TBC1D32: variants seen among roughly 807,000 people sequenced by gnomAD.
TBC1D32 encodes TBC1 domain family member 32.
Under a neutral mutation model 170.3 loss-of-function variants are expected in TBC1D32, and 151 were observed. That is an observed-to-expected ratio of 0.89 (90% CI 0.78 to 1.01). TBC1D32 has a LOEUF of 1.01. Among genes scored for constraint, TBC1D32 ranks in the 50% least tolerant of loss-of-function variants. The pLI is 0.00. For synonymous variants in TBC1D32, 498 were observed against 488.0 expected (o/e 1.02, Z -0.27); for missense variants, 1,464 against 1,457.1 (o/e 1.00, Z -0.08).
intron 1 of TBC1D32, among the ~76,000 whole-genome samples, chr6:121,333,561 G>T (rs1554193998): frequency 6.6e-6 from 1 of 152,038 alleles, no homozygotes; most frequent in Non-Finnish European, 1.5e-5. Flanking sequence ...TGAGTAATTC[G>T]TGCGGCCACT....
In TBC1D32 at chr6:121,101,676, A is replaced by T. The variant is rs551495241; in HGVS notation, c.3465+4347T>A. Among the ~76,000 whole-genome samples, 53 of 152,278 alleles carry T rather than the reference A, an allele frequency of 3.5e-4. No homozygotes were observed. In the East Asian group the frequency reaches 9.8e-3, roughly 28 times the overall value. ...GGAAGCATTCCCTTTGAAAACTGGC[A>T]CAAGACAGGGATGCCCTCTCTCACC... On this transcript the variant is annotated intron_variant, in intron 30 of 31. Transcript: ENST00000398212.
chr6:121,244,753 T>C (rs1797399269), intron 17 of TBC1D32, among the ~76,000 whole-genome samples: 1 of 152,224 alleles, frequency 6.6e-6, no homozygotes, highest in African/African-American at 2.4e-5. Flanking sequence ...TAAATTTATA[T>C]GATATGGGTT....
intron 15 of TBC1D32, among the ~76,000 whole-genome samples, chr6:121,265,737 A>T (rs1457443782): frequency 2.6e-5 from 4 of 152,158 alleles, no homozygotes; most frequent in African/African-American, 4.8e-5. Context: ...CATATAGACC[A>T]ATGGAAAAGA....
intron 15 of TBC1D32, among the ~76,000 whole-genome samples, chr6:121,257,685 T>C (rs903385873): frequency 2.6e-5 from 4 of 152,222 alleles, no homozygotes; most frequent in Admixed American, 6.5e-5. Flanking sequence ...AGTGTATTTT[T>C]TGTTTGTTTT....
Position 121,131,782 on chromosome 6 carries a change from T to C in TBC1D32, c.2774-30A>G, listed in dbSNP as rs777090428. On this transcript the variant is annotated intron_variant, in intron 24 of 31. Transcript: ENST00000398212. ...TCAGAAAGATAACATACTATTATAATAAGACATGCTAGATATACTGAAAAA... is the reference window on the plus strand; with the variant it reads ...TCAGAAAGATAACATACTATTATAACAAGACATGCTAGATATACTGAAAAA... 1.3e-6 allele frequency: 2 copies of C among 1,529,156 alleles called. 1 individual carries two copies. Among genetic ancestry groups the C allele is most frequent in the Admixed American group, 3.5e-5 (2 of 57,904 alleles). The allele number at this position is 1,529,156 out of a possible 1,614,324, so 94.7% of individuals were successfully genotyped here. A position where few individuals can be genotyped will look rare whatever the true frequency, so the allele number is the denominator to read the frequency against.
chr6:121,321,205 C>A (rs1809652348), intron 2 of TBC1D32, among the ~76,000 whole-genome samples: 1 of 152,056 alleles, frequency 6.6e-6, no homozygotes, highest in South Asian at 2.1e-4. Context: ...ATCAATTAAC[C>A]TAGACCCCAA....
intron 30 of TBC1D32, among the ~76,000 whole-genome samples, chr6:121,095,365 T>C (rs949886418): frequency 6.6e-6 from 1 of 152,150 alleles, no homozygotes; most frequent in African/African-American, 2.4e-5. Context: ...AAAAACAATC[T>C]TCAAAGGTTC....
At position 121,308,008 on chromosome 6, in the gene TBC1D32, C is replaced by T. The variant is rs567530456; in HGVS notation, c.658G>A (p.Val220Met). ...NWTTLCEKLT[V>M]SLSDPDPVFS... is the part of the protein sequence containing the mutation. ...ACAGGATCAGGATCTGAAAGAGACA[C>T]GGTCAGTTTTTCGCAGAGAGTAGTC... Residue 220 changes from valine to methionine, a missense_variant, in exon 5 of 32, where the codon GTG (valine) becomes ATG (methionine). Val to Met is a conservative substitution (Grantham distance 21). This residue lies in a region of TBC1D32 where 1,363 missense variants were observed against 1,338.1 expected (regional missense o/e 1.02). Coordinates refer to ENST00000398212, the MANE Select transcript of TBC1D32 (RefSeq NM_152730.6). The T allele has an allele frequency of 1.1e-5, 18 of 1,613,606 alleles. No individual in the cohort carries two copies. The highest frequency in any genetic ancestry group is 2.2e-5 in the East Asian group (1 of 44,824).
intron 20 of TBC1D32, among the ~76,000 whole-genome samples, chr6:121,231,531 C>T (rs1010066380): frequency 1.3e-5 from 2 of 152,152 alleles, no homozygotes; most frequent in Non-Finnish European, 2.9e-5. Context: ...AGTTTACATT[C>T]CCACTGACAG....
At chr6:121,171,931 T>A (rs1413733833) in intron 22 of TBC1D32, among the ~76,000 whole-genome samples, 1 of 152,072 alleles carries the variant, frequency 6.6e-6, no homozygotes. Flanking sequence ...ACTGGAAGGT[T>A]ATATATCCAC....
intron 3 of TBC1D32, among the ~76,000 whole-genome samples, chr6:121,313,551 A>G (rs1405385361): frequency 6.6e-6 from 1 of 151,928 alleles, no homozygotes; most frequent in East Asian, 1.9e-4. Context: ...CCCAGGCCTA[A>G]CTCTAGGCAG....
intron 17 of TBC1D32, among the ~76,000 whole-genome samples, chr6:121,244,050 C>T (rs954306009): frequency 1.3e-5 from 2 of 151,906 alleles, no homozygotes; most frequent in Non-Finnish European, 2.9e-5. Flanking sequence ...AGACCAAAAC[C>T]TAGTCTGCAT....
rs560576910 is a variant in TBC1D32 at position 121,201,631 on chromosome 6, C to T, written c.2570+3444G>A. On this transcript the variant is annotated intron_variant, in intron 22 of 31. Transcript: ENST00000398212. ...AAATTCAGCAATTCCTTCAGTCTCACACTGGGGCTTCTTTTTTTTTGTTTT... is the reference window on the plus strand; with the variant it reads ...AAATTCAGCAATTCCTTCAGTCTCATACTGGGGCTTCTTTTTTTTTGTTTT... Among the ~76,000 whole-genome samples the T allele has an allele frequency of 8.4e-4, 127 of 151,456 alleles. 1 individual carries two copies. The highest frequency in any genetic ancestry group is 1.4e-3 in the Non-Finnish European group (97 of 67,958).
intron 22 of TBC1D32, among the ~76,000 whole-genome samples, chr6:121,170,045 TA>T (rs1488179234): frequency 6.6e-6 from 1 of 152,010 alleles, no homozygotes; most frequent in Admixed American, 6.6e-5. Context: ...GCAGCTGAAT[TA>T]AAAGGCGATA....
At position 121,310,814 on chromosome 6, in the gene TBC1D32, T is replaced by G; in HGVS notation, c.529A>C (p.Ile177Leu). The G allele has an allele frequency of 6.3e-7, 1 of 1,582,102 alleles. No homozygotes were observed. Among genetic ancestry groups the G allele is most frequent in the African/African-American group, 1.3e-5 (1 of 74,420 alleles). The change falls in exon 4 of 32, where the codon ATT becomes CTT. Residue 177 changes from isoleucine to leucine, a missense_variant. Transcript: ENST00000398212. The stretch of plus-strand genomic sequence containing the variant: ...TGCCCAGGATCCAACTGGTCTAAAA[T>G]CAATTGTAATTTTCCTTGACAAAAT... Reference protein sequence around the residue: ...YKFCQGKLQLILDQLDPGQPK... With the variant: ...YKFCQGKLQLLLDQLDPGQPK...
chr6:121,229,274 C>T (rs186910735), intron 20 of TBC1D32, among the ~76,000 whole-genome samples: 3 of 152,222 alleles, frequency 2.0e-5, no homozygotes, highest in Non-Finnish European at 4.4e-5. Context: ...CATATCTAGA[C>T]ACTATAATTT....
At chr6:121,218,156 G>A (rs192132342) in intron 21 of TBC1D32, among the ~76,000 whole-genome samples, 7 of 152,274 alleles carry the variant, frequency 4.6e-5, no homozygotes, top group African/African-American at 9.6e-5. Context: ...GATCACTCTG[G>A]AGGCCATAGG....
chr6:121,231,754 T>C (rs1396644701), intron 20 of TBC1D32, among the ~76,000 whole-genome samples: 1 of 152,182 alleles, frequency 6.6e-6, no homozygotes, highest in Non-Finnish European at 1.5e-5. Flanking sequence ...AGCCCACTTT[T>C]TGATATGGTT....
chr6:121,280,430 C>A (rs895630845), intron 14 of TBC1D32, among the ~76,000 whole-genome samples: 4 of 151,740 alleles, frequency 2.6e-5, no homozygotes, highest in African/African-American at 9.7e-5. Context: ...AAACTAGATA[C>A]TGAGTGTCCA....
Sources: allele counts gnomAD v4.1 joint callset (sites outside exome capture counted in the v4.1 genomes callset), GRCh38; gene constraint gnomAD v4.1.1; regional missense constraint gnomAD v4.1.1; transcripts MANE v1.5; gene names NCBI Gene and HGNC (gene_info 2026-07-23, HGNC 2026-07-21).